The following ATRNL1 variants were observed in gnomAD, a reference collection of about 807,000 sequenced individuals.
The protein encoded by ATRNL1 is attractin-like protein 1.
ATRNL1 carries 95 observed loss-of-function variants against 182.7 expected under a neutral mutation model. That is an observed-to-expected ratio of 0.52 (90% confidence interval 0.44 to 0.62). The LOEUF (loss-of-function observed/expected upper bound fraction) is 0.62. Among genes scored for constraint, ATRNL1 ranks in the 20% least tolerant of loss-of-function variants. The pLI is 0.00. For synonymous variants in ATRNL1, 576 were observed against 568.3 expected (o/e 1.01, Z -0.19); for missense variants, 1,471 against 1,679.5 (o/e 0.88, Z 2.17).
chr10:115,410,410 C>T (rs1024650890), intron 20 of ATRNL1, among the ~76,000 whole-genome samples: 4 of 151,812 alleles, frequency 2.6e-5, no homozygotes, highest in African/African-American at 9.7e-5. Flanking sequence ...GAAACTCTGC[C>T]TCTCGGGTTC....
intron 28 of ATRNL1, among the ~76,000 whole-genome samples, chr10:115,914,963 A>G (rs896215178): frequency 3.3e-5 from 5 of 152,268 alleles, no homozygotes; most frequent in Non-Finnish European, 5.9e-5. Flanking sequence ...GAAAAAAACT[A>G]GAATACAATA....
chr10:115,685,341 A>T (rs1286115957), intron 26 of ATRNL1, among the ~76,000 whole-genome samples: 4 of 151,814 alleles, frequency 2.6e-5, no homozygotes, highest in Admixed American at 2.6e-4. Context: ...AGGACAAGTT[A>T]TTTAGCCTCT....
At chr10:115,708,492 T>A (rs1352091136) in intron 26 of ATRNL1, among the ~76,000 whole-genome samples, 1 of 151,752 alleles carries the variant, frequency 6.6e-6, no homozygotes, top group East Asian at 1.9e-4. Flanking sequence ...ATTTGAAAAT[T>A]TATAAACTCT....
At chr10:115,391,101 TTTAACTTTTTAA>T (rs1348504888) in intron 19 of ATRNL1, among the ~76,000 whole-genome samples, 2 of 152,168 alleles carry the variant, frequency 1.3e-5, no homozygotes, top group South Asian at 2.1e-4. Flanking sequence ...ACAGAAACAA[TTTAACTTTTTAA>T]TTAACTTTTT....
intron 28 of ATRNL1, among the ~76,000 whole-genome samples, chr10:115,944,238 AC>A (rs1555124890): frequency 8.8e-6 from 1 of 113,278 alleles, no homozygotes; most frequent in Non-Finnish European, 2.0e-5. Context: ...TAAATCTAAA[AC>A]TGCTTGAAAT....
chr10:115,811,678 C>T (rs1950049708), intron 27 of ATRNL1, among the ~76,000 whole-genome samples: 4 of 151,974 alleles, frequency 2.6e-5, no homozygotes, highest in Admixed American at 2.0e-4. Context: ...CTACTATTAG[C>T]TAGAAGCTGA....
intron 24 of ATRNL1, among the ~76,000 whole-genome samples, chr10:115,507,455 A>G (rs957748946): frequency 1.3e-4 from 20 of 152,186 alleles, no homozygotes; most frequent in Admixed American, 1.0e-3. Flanking sequence ...TCACATGAAG[A>G]AAAAGGACAG....
chr10:115,259,558 C>G (rs1851308151), intron 10 of ATRNL1, among the ~76,000 whole-genome samples: 1 of 152,208 alleles, frequency 6.6e-6, no homozygotes, highest in Non-Finnish European at 1.5e-5. Flanking sequence ...AATCCCCCAA[C>G]CCCTTGTGCT....
chr10:115,164,555 A>G (rs1024063532), intron 6 of ATRNL1, among the ~76,000 whole-genome samples: 15 of 152,142 alleles, frequency 9.9e-5, no homozygotes, highest in Admixed American at 2.0e-4. Context: ...ACTATTTACA[A>G]TAGCCATAAT....
chr10:115,232,247 C>T (rs1201245247), intron 9 of ATRNL1, among the ~76,000 whole-genome samples: 1 of 152,102 alleles, frequency 6.6e-6, no homozygotes, highest in Non-Finnish European at 1.5e-5. Flanking sequence ...TCTCAACAAT[C>T]TCATTAAGGT....
In ATRNL1 at chr10:115,223,451, G is replaced by T. The variant is rs186091427; in HGVS notation, c.1532+7571G>T. ...TTGAAAGTAAAAGGAAGGCATAACA[G>T]TTCTTAATTTATATATAATTTATAA... On this transcript the variant is annotated intron_variant, in intron 9 of 28. Transcript: ENST00000355044. 1.1e-3 allele frequency among the ~76,000 whole-genome samples: 166 copies of T among 152,134 alleles called. 2 individuals are homozygous for T. Among genetic ancestry groups the T allele is most frequent in the Non-Finnish European group, 1.9e-4 (13 of 68,004 alleles).
At chr10:115,361,636 G>C (rs1039042056) in intron 19 of ATRNL1, among the ~76,000 whole-genome samples, 1 of 151,922 alleles carries the variant, frequency 6.6e-6, no homozygotes, top group Non-Finnish European at 1.5e-5. Flanking sequence ...CTTAGCTTGA[G>C]AATCATAGAA....
rs1025599765 is a variant in ATRNL1, at chr10:115,344,419, G to A, written c.3175+10000G>A. ...TCACCTCATAGCCACTGCCATCAAA[G>A]GCCATGGGGAGTACTGCCAGACTAC... On this transcript the variant is annotated intron_variant, in intron 19 of 28. Coordinates refer to ENST00000355044, the MANE Select transcript of ATRNL1 (RefSeq NM_207303.4). 2.6e-5 allele frequency among the ~76,000 whole-genome samples: 4 copies of A among 152,142 alleles called. No individual in the cohort carries two copies. In the South Asian group the frequency reaches 8.3e-4, roughly 32 times the overall value.
intron 21 of ATRNL1, among the ~76,000 whole-genome samples, chr10:115,434,555 A>G (rs569808367): frequency 6.6e-6 from 1 of 152,326 alleles, no homozygotes; most frequent in African/African-American, 2.4e-5. Flanking sequence ...TGAAATAAAA[A>G]CATTATGCTG....
At chr10:115,124,314 A>G (rs1185409635) in intron 3 of ATRNL1, among the ~76,000 whole-genome samples, 2 of 152,076 alleles carry the variant, frequency 1.3e-5, no homozygotes, top group Non-Finnish European at 2.9e-5. Flanking sequence ...GAACTCAGGA[A>G]AGTTCTACAC....
chr10:115,273,195 G>A (rs1005050850), intron 13 of ATRNL1, among the ~76,000 whole-genome samples: 1 of 152,088 alleles, frequency 6.6e-6, no homozygotes, highest in Non-Finnish European at 1.5e-5. Context: ...CCATTTTGCT[G>A]AGCCCATGCA....
At position 115,394,669 on chromosome 10, in the gene ATRNL1, C is replaced by T. The variant is rs990862695; in HGVS notation, c.3186C>T (p.Cys1062=). ...TNGGQCTACT[C]SGHANICHLH... The stretch of plus-strand genomic sequence containing the variant: ...GGTTTTGACTTACAGCTTGTACATG[C>T]AGTGGCCATGCAAATATCTGTCATC... The change falls in exon 20 of 29, where the codon TGC becomes TGT. Residue 1062 remains cysteine, a synonymous_variant. Transcript: ENST00000355044. The T allele has an allele frequency of 6.2e-7, 1 of 1,611,356 alleles. No homozygotes were observed. The highest frequency in any genetic ancestry group is 2.2e-5 in the East Asian group (1 of 44,776).
At chr10:115,592,574 C>G (rs1302842430) in intron 26 of ATRNL1, among the ~76,000 whole-genome samples, 1 of 152,164 alleles carries the variant, frequency 6.6e-6, no homozygotes, top group Admixed American at 6.5e-5. Context: ...CTACTTTTTG[C>G]CTCCATGAGT....
In ATRNL1 at chr10:115,291,125, T is replaced by C. The variant is rs528253987; in HGVS notation, c.2415+4728T>C. 2.0e-5 allele frequency among the ~76,000 whole-genome samples: 3 copies of C among 152,318 alleles called. No homozygotes were observed. The South Asian group carries it at 6.2e-4, about 32-fold the overall frequency. ...CTGCTCTTTGTTAGAAAAATAATGA[T>C]TTTGGAGCTGCTTTTTGTTAAAAGG... On this transcript the variant is annotated intron_variant, in intron 15 of 28. Transcript: ENST00000355044.
Sources: gnomAD v4.1 joint callset for allele counts (sites outside exome capture counted in the v4.1 genomes callset) on GRCh38, gnomAD v4.1.1 for gene constraint, MANE v1.5 for transcripts, NCBI Gene and HGNC (gene_info 2026-07-23, HGNC 2026-07-21) for gene names.